The following TEFM variants were observed in gnomAD, a reference collection of about 807,000 sequenced individuals.
TEFM encodes the protein transcription elongation factor, mitochondrial, also known as transcription elongation factor of mitochondria.
In TEFM, 14 loss-of-function variants were observed where a neutral mutation model predicts 23.0. The ratio of observed to expected loss-of-function variants is 0.61; its 90% CI spans 0.40 to 0.95. TEFM has a LOEUF of 0.95. Ranked by LOEUF, TEFM falls within the 40% of genes least tolerant of loss-of-function variation. The probability of loss-of-function intolerance (pLI) is 0.00; values close to 1 mark genes in which losing one functional copy is unlikely to be tolerated. For synonymous variants in TEFM, 155 were observed against 158.3 expected (o/e 0.98, Z 0.16); for missense variants, 386 against 425.5 (o/e 0.91, Z 0.82).
intron 1 of TEFM, 77 bp downstream of exon 1, chr17:30,906,091 C>T (rs1206553896): frequency 2.1e-6 from 3 of 1,412,322 alleles, no homozygotes; most frequent in Non-Finnish European, 2.8e-6. Flanking sequence ...ACCCTACCTC[C>T]CGCCGTATTC....
Position 30,899,091 on chromosome 17 carries a change from C to T in TEFM, c.*78G>A. 7.7e-7 allele frequency: 1 copy of T among 1,297,532 alleles called. No individual in the cohort carries two copies. Among genetic ancestry groups the T allele is most frequent in the Non-Finnish European group, 1.0e-6 (1 of 956,750 alleles). 80.4% of individuals were successfully genotyped at this position (1,297,532 alleles called of 1,614,324 possible). A position where few individuals can be genotyped will look rare whatever the true frequency, so the allele number is the denominator to read the frequency against. On this transcript the variant is annotated 3_prime_UTR_variant, in exon 4 of 4. Coordinates refer to ENST00000581216, the MANE Select transcript of TEFM (RefSeq NM_024683.4). ...AAATACACTGAAAATGTGTTCTTTT[C>T]CAATAACATGGATGTTCACAACAGT... is the stretch of plus-strand genomic sequence containing the variant.
intron 2 of TEFM, 70 bp from the exon 3 acceptor site, chr17:30,900,632 C>T (rs35683926): frequency 2.1e-5 from 29 of 1,387,454 alleles, no homozygotes; most frequent in Admixed American, 7.7e-5. Context: ...GACGGAGTCT[C>T]GCTCTGTCTC....
chr17:30,904,681 CT>C (rs200219653), intron 1 of TEFM, 152 bp from the exon 2 acceptor site: 63,652 of 458,412 alleles, frequency 0.14, 15 homozygotes, highest in South Asian at 0.16. Context: ...GGAGAATCAT[CT>C]TTTTTTTTTT....
intron 2 of TEFM, among the ~76,000 whole-genome samples, chr17:30,901,032 AT>A (rs1334609093): frequency 2.0e-5 from 3 of 148,492 alleles, no homozygotes; most frequent in African/African-American, 7.4e-5. Flanking sequence ...AGTAATTATT[AT>A]TTTGTTTGAG....
In TEFM at chr17:30,904,268, T is replaced by C. The variant is rs754782248; in HGVS notation, c.293A>G (p.Asn98Ser). The C allele has an allele frequency of 8.1e-6, 13 of 1,614,250 alleles. 1 individual carries two copies. The South Asian group carries it at 1.2e-4, about 15-fold the overall frequency. The part of the protein sequence containing the change: ...FRLLRGRRSI[N>S]IVEHRENFGP... The stretch of plus-strand genomic sequence containing the variant: ...AAAGTTTTCTCTGTGCTCTACGATA[T>C]TGATGGACCTTCTTCCACGAAGCAA... Residue 98 changes from asparagine (N) to serine (S), a missense_variant, in exon 2 of 4, where the codon AAT (asparagine) becomes AGT (serine). Coordinates refer to ENST00000581216, the MANE Select transcript of TEFM (RefSeq NM_024683.4).
At chr17:30,902,863 C>T (rs1288687442) in intron 2 of TEFM, among the ~76,000 whole-genome samples, 1 of 152,074 alleles carries the variant, frequency 6.6e-6, no homozygotes, top group Non-Finnish European at 1.5e-5. Flanking sequence ...AGTGCTGTGG[C>T]CGGGCGCAGT....
chr17:30,904,422 C>T lies in TEFM; in HGVS notation c.139G>A (p.Val47Ile). The change falls in exon 2 of 4, where the codon GTT (valine) becomes ATT (isoleucine). Residue 47 changes from valine (V) to isoleucine (I), a missense_variant. Coordinates refer to ENST00000581216, the MANE Select transcript of TEFM (RefSeq NM_024683.4). ...STTPKKITPNVTFCDENAKEP... is the reference protein window; with the variant it reads ...STTPKKITPNITFCDENAKEP... ...TTTGCATTTTCATCACAAAAAGTAA[C>T]ATTGGGAGTAATTTTCTTAGGTGTA... 3 of 1,614,116 alleles carry T rather than the reference C, an allele frequency of 1.9e-6. No homozygotes were observed. The highest frequency in any genetic ancestry group is 2.5e-6 in the Non-Finnish European group (3 of 1,180,002).
Position 30,899,023 on chromosome 17 carries a change from G to T in TEFM, c.*146C>A. 1 of 770,442 alleles carries T rather than the reference G, an allele frequency of 1.3e-6. No homozygotes were observed. Among genetic ancestry groups the T allele is most frequent in the Non-Finnish European group, 2.1e-6 (1 of 480,572 alleles). 47.7% of individuals were successfully genotyped at this position (770,442 alleles called of 1,614,324 possible). ...TTTATTGATTTGGTCTTGGCTTATT[G>T]TGTAAACCATTTAATAGCCAAAAGT... On this transcript the variant is annotated 3_prime_UTR_variant, in exon 4 of 4. Coordinates refer to ENST00000581216, the MANE Select transcript of TEFM (RefSeq NM_024683.4).
chr17:30,899,527 G>A lies in TEFM; in HGVS notation c.725C>T (p.Ser242Phe). The change falls in exon 4 of 4, where the codon TCT becomes TTT. Residue 242 changes from serine to phenylalanine, a missense_variant. Physicochemically the swap from Ser to Phe is radical, Grantham distance 155. Coordinates refer to ENST00000581216, the MANE Select transcript of TEFM (RefSeq NM_024683.4). ...AAAATGTAACAGTATTGGAAACAGA[G>A]ATGAGTTCTGAATGGAAAGTCCTGT... ...EKTGLSIQNS[S>F]LFPILLHFHI... 1 of 1,613,374 alleles carries A rather than the reference G, an allele frequency of 6.2e-7. No homozygotes were observed. Among genetic ancestry groups the A allele is most frequent in the Non-Finnish European group, 8.5e-7 (1 of 1,179,452 alleles).
Position 30,904,290 on chromosome 17 carries a change from G to A in TEFM, c.271C>T (p.Leu91Phe). Residue 91 changes from leucine (L) to phenylalanine (F), a missense_variant, in exon 2 of 4, where the codon CTT becomes TTT. Physicochemically the swap from Leu to Phe is conservative, Grantham distance 22 (BLOSUM62 0). Coordinates refer to ENST00000581216, the MANE Select transcript of TEFM (RefSeq NM_024683.4). ...STKELEAFRL[L>F]RGRRSINIVE... Reference sequence around the variant, plus strand: ...ATATTGATGGACCTTCTTCCACGAAGCAATCGGAAAGCTTCAAGTTCTTTA... The same window carrying A: ...ATATTGATGGACCTTCTTCCACGAAACAATCGGAAAGCTTCAAGTTCTTTA... The A allele has an allele frequency of 6.2e-7, 1 of 1,614,192 alleles. No individual in the cohort carries two copies. The highest frequency in any genetic ancestry group is 8.5e-7 in the Non-Finnish European group (1 of 1,180,040).
In TEFM at chr17:30,904,210, A is replaced by G. The variant is rs751160727; in HGVS notation, c.351T>C (p.Asn117=). ...GPFQNLESLM[N]VPLFKYKSTV... ...TACTTTTATACTTAAACAAGGGCAC[A>G]TTCATTAAACTCTCTAAATTCTGAA... The change falls in exon 2 of 4, where the codon AAT becomes AAC. Residue 117 remains asparagine (N), a synonymous_variant. Coordinates refer to ENST00000581216, the MANE Select transcript of TEFM (RefSeq NM_024683.4). 3.7e-6 allele frequency: 6 copies of G among 1,614,106 alleles called. No homozygotes were observed. The Admixed American group carries it at 1.0e-4, about 27-fold the overall frequency.
At chr17:30,905,502 A>C (rs2142478156) in intron 1 of TEFM, among the ~76,000 whole-genome samples, 1 of 151,544 alleles carries the variant, frequency 6.6e-6, no homozygotes, top group Non-Finnish European at 1.5e-5. Flanking sequence ...TCTCGGCAAC[A>C]AGAGCGAAAC....
At chr17:30,904,596 G>T in intron 1 of TEFM, 67 bp from the exon 2 acceptor site, 2 of 1,146,362 alleles carry the variant, frequency 1.7e-6, no homozygotes, top group South Asian at 1.5e-5. Flanking sequence ...TTGCAAGCTT[G>T]ACTAGATCCT....
chr17:30,900,650 G>A (rs1336654978), intron 2 of TEFM, 88 bp from the exon 3 acceptor site: 10 of 1,179,028 alleles, frequency 8.5e-6, no homozygotes, highest in Non-Finnish European at 1.2e-5. Context: ...CTCCCAGGCT[G>A]GAGTGCAGTG....
intron 3 of TEFM, 40 bp from the exon 4 acceptor site, chr17:30,899,646 C>A: frequency 7.2e-7 from 1 of 1,383,298 alleles, no homozygotes; most frequent in South Asian, 1.7e-5. Flanking sequence ...AGAAATAATT[C>A]ATTACATTTT....
At chr17:30,903,927 T>G in intron 2 of TEFM, 139 bp downstream of exon 2, 1 of 666,228 alleles carries the variant, frequency 1.5e-6, no homozygotes, top group Non-Finnish European at 2.5e-6. Flanking sequence ...GTACATCTCA[T>G]TATTTGGTAG....
Position 30,899,119 on chromosome 17 carries a change from G to T in TEFM, c.*50C>A. 1 of 1,399,468 alleles carries T rather than the reference G, an allele frequency of 7.1e-7. No homozygotes were observed. Among genetic ancestry groups the T allele is most frequent in the South Asian group, 1.5e-5 (1 of 68,636 alleles). The allele number at this position is 1,399,468 out of a possible 1,614,324, so 86.7% of individuals were successfully genotyped here. A position where few individuals can be genotyped will look rare whatever the true frequency, so the allele number is the denominator to read the frequency against. ...ATAACATGGATGTTCACAACAGTTG[G>T]TGTTACGTTAGAGCTAATAATTATA... is the stretch of plus-strand genomic sequence containing the variant. On this transcript the variant is annotated 3_prime_UTR_variant, in exon 4 of 4. Coordinates refer to ENST00000581216, the MANE Select transcript of TEFM (RefSeq NM_024683.4).
rs1173542105 is a variant in TEFM, at chr17:30,903,136, C to CAA, written c.495+928_495+929dup. Among the ~76,000 whole-genome samples, 135 of 67,036 alleles carry CAA rather than the reference C, an allele frequency of 2.0e-3. 2 individuals carry two copies. The highest frequency in any genetic ancestry group is 5.7e-3 in the African/African-American group (110 of 19,178). 44.0% of individuals were successfully genotyped at this position (67,036 alleles called of 152,430 possible). A position where few individuals can be genotyped will look rare whatever the true frequency, so the allele number is the denominator to read the frequency against. ...CTGGCGACAGCACAAGACTCTGTCT[C>CAA]AAAAAAAAAAAAAAAAAAAAAATTG... On this transcript the variant is annotated intron_variant, in intron 2 of 3. Transcript: ENST00000581216.
chr17:30,904,363 A>C lies in TEFM; in HGVS notation c.198T>G (p.Ser66=), dbSNP rs754870271. The change falls in exon 2 of 4, where the codon TCT becomes TCG. Residue 66 remains serine, a synonymous_variant. Coordinates refer to ENST00000581216, the MANE Select transcript of TEFM (RefSeq NM_024683.4). ...EPENALDKLF[S]SEQQASILHV... ...GCAAGATGGAAGCCTGCTGTTCTGA[A>C]GAGAAGAGCTTGTCAAGTGCATTTT... 6.2e-7 allele frequency: 1 copy of C among 1,614,228 alleles called. No individual in the cohort carries two copies. Among genetic ancestry groups the C allele is most frequent in the South Asian group, 1.1e-5 (1 of 91,086 alleles).
Sources: gnomAD v4.1 joint callset for allele counts (sites outside exome capture counted in the v4.1 genomes callset) on GRCh38, gnomAD v4.1.1 for gene constraint, MANE v1.5 for transcripts, NCBI Gene and HGNC (gene_info 2026-07-23, HGNC 2026-07-21) for gene names.